The following NEK5 variants were observed in gnomAD, a reference collection of about 807,000 sequenced individuals.
NEK5 encodes the protein serine/threonine-protein kinase Nek5.
In NEK5, 88 loss-of-function variants were observed where a neutral mutation model predicts 109.2. The ratio of observed to expected loss-of-function variants is 0.81; its 90% CI spans 0.68 to 0.96. NEK5 has a LOEUF of 0.96. Among genes scored for constraint, NEK5 ranks in the 40% least tolerant of loss-of-function variants. The pLI is 0.00. For synonymous variants in NEK5, 283 were observed against 299.9 expected (o/e 0.94, Z 0.58); for missense variants, 834 against 920.7 (o/e 0.91, Z 1.22).
At chr13:52,064,504 G>C (rs1208506193) in intron 21 of NEK5, among the ~76,000 whole-genome samples, 2 of 148,802 alleles carry the variant, frequency 1.3e-5, no homozygotes, top group Middle Eastern at 7.1e-3. Context: ...AGGTGGGGGG[G>C]TCAGCCCCCC....
intron 19 of NEK5, among the ~76,000 whole-genome samples, chr13:52,074,990 C>T (rs1954841869): frequency 6.6e-6 from 1 of 152,082 alleles, no homozygotes; most frequent in African/African-American, 2.4e-5. Flanking sequence ...GGCGAGGCTG[C>T]AGAGAAAAGG....
intron 23 of NEK5, among the ~76,000 whole-genome samples, chr13:52,037,848 G>C (rs1347426315): frequency 1.3e-5 from 2 of 151,936 alleles, no homozygotes; most frequent in Non-Finnish European, 2.9e-5. Flanking sequence ...GCATGAACCT[G>C]GGAGGCGGAG....
In NEK5 at chr13:52,107,000, C is replaced by T. The variant is rs552626359; in HGVS notation, c.554+1318G>A. On this transcript the variant is annotated intron_variant, in intron 8 of 23. Coordinates refer to ENST00000684899, the MANE Select transcript of NEK5 (RefSeq NM_001365552.1). ...AGCGGTCACCAGACCACATTGTCTT[C>T]TACTTCATCCTCTTCAATCTTTCTT... Among the ~76,000 whole-genome samples the T allele has an allele frequency of 2.4e-4, 36 of 152,218 alleles. 1 individual carries two copies. The highest frequency in any genetic ancestry group is 8.4e-4 in the African/African-American group (35 of 41,528).
intron 9 of NEK5, 97 bp downstream of exon 9, chr13:52,104,401 T>C (rs1419719130): frequency 1.3e-5 from 11 of 863,196 alleles, no homozygotes; most frequent in Non-Finnish European, 2.0e-5. Context: ...TTTTTAACAA[T>C]CTAATAAAAC....
At chr13:52,118,795 C>G (rs1955910795) in intron 4 of NEK5, among the ~76,000 whole-genome samples, 1 of 152,090 alleles carries the variant, frequency 6.6e-6, no homozygotes, top group African/African-American at 2.4e-5. Context: ...TATGCAGGAT[C>G]TCATGTAAAC....
intron 19 of NEK5, among the ~76,000 whole-genome samples, chr13:52,073,013 C>T (rs747084460): frequency 6.6e-6 from 1 of 152,020 alleles, no homozygotes; most frequent in Non-Finnish European, 1.5e-5. Context: ...GCAAGGAGAG[C>T]CCAAATGCAT....
At chr13:52,057,797 T>C (rs1356067656) in intron 22 of NEK5, among the ~76,000 whole-genome samples, 4 of 152,236 alleles carry the variant, frequency 2.6e-5, no homozygotes, top group Admixed American at 1.3e-4. Flanking sequence ...TGATGGGACG[T>C]ATCTCAAAAC....
intron 9 of NEK5, among the ~76,000 whole-genome samples, chr13:52,102,658 A>G (rs1222165037): frequency 7.9e-5 from 12 of 152,212 alleles, no homozygotes; most frequent in Non-Finnish European, 1.8e-4. Flanking sequence ...GCGTCACTGC[A>G]CTCCAGCCTG....
intron 3 of NEK5, 51 bp downstream of exon 3, chr13:52,127,315 G>A (rs1281042442): frequency 1.1e-6 from 1 of 931,608 alleles, no homozygotes; most frequent in African/African-American, 1.7e-5. Context: ...TGGATTAAAA[G>A]CCAGCTGAAT....
intron 20 of NEK5, among the ~76,000 whole-genome samples, chr13:52,066,609 T>G (rs1272977000): frequency 3.3e-5 from 5 of 151,984 alleles, no homozygotes; most frequent in African/African-American, 1.2e-4. Context: ...ATCGAAACCA[T>G]CCTGGCCAAC....
chr13:52,039,294 C>A (rs999433564), intron 23 of NEK5, among the ~76,000 whole-genome samples: 1 of 152,148 alleles, frequency 6.6e-6, no homozygotes, highest in African/African-American at 2.4e-5. Flanking sequence ...ATCACTGATA[C>A]ACTGGGAAGG....
chr13:52,124,429 T>G (rs1956026354), intron 3 of NEK5, among the ~76,000 whole-genome samples: 1 of 152,248 alleles, frequency 6.6e-6, no homozygotes, highest in African/African-American at 2.4e-5. Context: ...TATTTTACAC[T>G]TACTATTTTC....
At chr13:52,083,083 C>T (rs1955046277) in intron 17 of NEK5, among the ~76,000 whole-genome samples, 177 bp downstream of exon 17, 1 of 152,004 alleles carries the variant, frequency 6.6e-6, no homozygotes, top group African/African-American at 2.4e-5. Context: ...GAGGCAGACA[C>T]TGCAGTGAGC....
At chr13:52,114,197 G>A (rs1955807336) in intron 4 of NEK5, among the ~76,000 whole-genome samples, 1 of 152,004 alleles carries the variant, frequency 6.6e-6, no homozygotes, top group South Asian at 2.1e-4. Context: ...CACATCAAAG[G>A]GGCTTAAATG....
chr13:52,091,669 G>A (rs2137931633), intron 13 of NEK5, among the ~76,000 whole-genome samples: 1 of 152,184 alleles, frequency 6.6e-6, no homozygotes, highest in East Asian at 1.9e-4. Flanking sequence ...AAAAATTGAT[G>A]ACAAAACATT....
At chr13:52,066,532 G>A (rs1217280608) in intron 20 of NEK5, among the ~76,000 whole-genome samples, 9 of 151,990 alleles carry the variant, frequency 5.9e-5, no homozygotes, top group Non-Finnish European at 1.2e-4. Context: ...TCGGCCGGGT[G>A]CAGTGGCTCA....
chr13:52,064,320 T>C (rs1954649561), intron 21 of NEK5, among the ~76,000 whole-genome samples: 1 of 125,448 alleles, frequency 8.0e-6, no homozygotes, highest in African/African-American at 2.9e-5. Context: ...GGAGCCCCTC[T>C]GCCTGGCCAG....
At chr13:52,097,929 C>T (rs1955451028) in intron 12 of NEK5, among the ~76,000 whole-genome samples, 1 of 152,104 alleles carries the variant, frequency 6.6e-6, no homozygotes, top group African/African-American at 2.4e-5. Context: ...ACAGATTTCC[C>T]TCTTACTGTT....
intron 17 of NEK5, 129 bp from the exon 18 acceptor site, chr13:52,076,272 A>G (rs1954867536): frequency 7.2e-6 from 4 of 555,992 alleles, no homozygotes; most frequent in Non-Finnish European, 1.2e-5. Context: ...ATAATTAACT[A>G]AAAACTTGGG....
Sources: allele counts gnomAD v4.1 joint callset (sites outside exome capture counted in the v4.1 genomes callset), GRCh38; gene constraint gnomAD v4.1.1; transcripts MANE v1.5; gene names NCBI Gene and HGNC (gene_info 2026-07-23, HGNC 2026-07-21).